The following PLCG1 variants were observed in gnomAD, a reference collection of about 807,000 sequenced individuals.
PLCG1 encodes the protein 1-phosphatidylinositol 4,5-bisphosphate phosphodiesterase gamma-1.
PLCG1 carries 71 observed loss-of-function variants against 177.8 expected under a neutral mutation model. The ratio of observed to expected loss-of-function variants is 0.40; its 90% CI spans 0.33 to 0.49. The LOEUF (loss-of-function observed/expected upper bound fraction) is 0.49. Ranked by LOEUF, PLCG1 falls within the 20% of genes least tolerant of loss-of-function variation. The pLI is 0.72. For missense variants in PLCG1, 1,281 were observed against 1,709.0 expected (o/e 0.75, Z 4.42); for synonymous variants, 658 against 647.9 (o/e 1.02, Z -0.24).
In PLCG1 at chr20:41,148,014, CA is replaced by C. The variant is rs2035048282; in HGVS notation, c.217+10159del. On this transcript the variant is annotated intron_variant, in intron 1 of 31. Transcript: ENST00000685551. The surrounding 1 kb of genome is among the most constrained non-coding windows in gnomAD (Gnocchi z 4.3). ...TGGCTTGGCTTGGGCTGGCATGGCG[CA>C]AAGGGAGTGCAGCCAGATGCTGTGG... Among the ~76,000 whole-genome samples the C allele has an allele frequency of 6.6e-6, 1 of 152,058 alleles. No individual in the cohort carries two copies. The highest frequency in any genetic ancestry group is 2.1e-4 in the South Asian group (1 of 4,816).
Position 41,172,344 on chromosome 20 carries a change from C to A in PLCG1, c.2905+55C>A. 6.3e-7 allele frequency: 1 copy of A among 1,577,168 alleles called. No individual in the cohort carries two copies. Among genetic ancestry groups the A allele is most frequent in the Non-Finnish European group, 8.7e-7 (1 of 1,146,572 alleles). Reference sequence around the variant, plus strand: ...ATGTGCCTGGAGGGCCTGGTGGGTGCAAAAAGAGTATTTAGGTATCCCCCC... The same window carrying A: ...ATGTGCCTGGAGGGCCTGGTGGGTGAAAAAAGAGTATTTAGGTATCCCCCC... On this transcript the variant is annotated intron_variant, in intron 25 of 31. Coordinates refer to ENST00000685551, the MANE Select transcript of PLCG1 (RefSeq NM_002660.3). This position sits in a 1 kb window ranked among gnomAD's most constrained non-coding sequence, Gnocchi z 7.0.
At position 41,172,489 on chromosome 20, in the gene PLCG1, G is replaced by A; in HGVS notation, c.2974G>A (p.Val992Met). ...SFPETKAEKY[V>M]NKAKGKKFLQ... is the part of the protein sequence containing the mutation. Reference sequence around the variant, plus strand: ...CCCGGAAACCAAGGCTGAGAAATACGTGAACAAGGCCAAAGGCAAGAAGTT... The same window carrying A: ...CCCGGAAACCAAGGCTGAGAAATACATGAACAAGGCCAAAGGCAAGAAGTT... Residue 992 changes from valine to methionine, a missense_variant, in exon 26 of 32, where the codon GTG becomes ATG. Physicochemically the swap from Val to Met is conservative, Grantham distance 21 (BLOSUM62 1). Transcript: ENST00000685551. This position sits in a 1 kb window ranked among gnomAD's most constrained non-coding sequence, Gnocchi z 7.0. 4 of 1,614,194 alleles carry A rather than the reference G, an allele frequency of 2.5e-6. No individual in the cohort carries two copies. Among genetic ancestry groups the A allele is most frequent in the Non-Finnish European group, 3.4e-6 (4 of 1,180,026 alleles).
At chr20:41,143,673 G>C (rs937499838) in intron 1 of PLCG1, among the ~76,000 whole-genome samples, 1 of 152,214 alleles carries the variant, frequency 6.6e-6, no homozygotes, top group Admixed American at 6.5e-5. Context: ...GAGCTGAAGT[G>C]CCTGGAGATT....
chr20:41,164,297 C>G lies in PLCG1; in HGVS notation c.1217+96C>G. On this transcript the variant is annotated intron_variant, in intron 12 of 31. Coordinates refer to ENST00000685551, the MANE Select transcript of PLCG1 (RefSeq NM_002660.3). The surrounding 1 kb of genome is among the most constrained non-coding windows in gnomAD (Gnocchi z 6.4). Reference sequence around the variant, plus strand: ...AGAAAGACTCCTCAAATGCCCTGTCCCCTCTCCCTCAGCCTTTCATCTTTG... The same window carrying G: ...AGAAAGACTCCTCAAATGCCCTGTCGCCTCTCCCTCAGCCTTTCATCTTTG... 1.6e-6 allele frequency: 2 copies of G among 1,240,144 alleles called. No individual in the cohort carries two copies. The highest frequency in any genetic ancestry group is 2.3e-6 in the Non-Finnish European group (2 of 858,780). 76.8% of individuals were successfully genotyped at this position (1,240,144 alleles called of 1,614,324 possible). A position where few individuals can be genotyped will look rare whatever the true frequency, so the allele number is the denominator to read the frequency against.
rs577092920 is a variant in PLCG1 at position 41,151,705 on chromosome 20, C to T, written c.218-7901C>T. Among the ~76,000 whole-genome samples the T allele has an allele frequency of 6.6e-6, 1 of 152,192 alleles. No homozygotes were observed. The highest frequency in any genetic ancestry group is 1.5e-5 in the Non-Finnish European group (1 of 68,036). On this transcript the variant is annotated intron_variant, in intron 1 of 31. Transcript: ENST00000685551. This position sits in a 1 kb window ranked among gnomAD's most constrained non-coding sequence, Gnocchi z 5.5. The stretch of plus-strand genomic sequence containing the variant: ...GGAGAACTCTCACCCTTTCCACAGG[C>T]TTTGGGCATATGCAGCCAGCTTGGA...
Position 41,156,771 on chromosome 20 carries a change from A to G in PLCG1, c.218-2835A>G, listed in dbSNP as rs1167783923. Among the ~76,000 whole-genome samples the G allele has an allele frequency of 6.6e-6, 1 of 152,128 alleles. No homozygotes were observed. Among genetic ancestry groups the G allele is most frequent in the Non-Finnish European group, 1.5e-5 (1 of 68,004 alleles). ...GAAGGTCTCTTTTCCTGCCCTCCTG[A>G]CTAATGGCAGAGAGGTCTGACCCAG... is the stretch of plus-strand genomic sequence containing the variant. On this transcript the variant is annotated intron_variant, in intron 1 of 31. Coordinates refer to ENST00000685551, the MANE Select transcript of PLCG1 (RefSeq NM_002660.3). This position sits in a 1 kb window ranked among gnomAD's most constrained non-coding sequence, Gnocchi z 5.0.
At chr20:41,170,091 T>C (rs1243097352) in intron 23 of PLCG1, 21 bp from the exon 24 acceptor site, 1 of 1,594,154 alleles carries the variant, frequency 6.3e-7, no homozygotes, top group Non-Finnish European at 8.6e-7. Context: ...TCCCAGCTGT[T>C]ATCTGCTCTC....
chr20:41,163,532 A>G lies in PLCG1; in HGVS notation c.891+53A>G. Reference sequence around the variant, plus strand: ...GTCAAGAGAATGAGTAGGGGTGACCAGGACCCCACCCGGGCTCCAGGAGCT... The same window carrying G: ...GTCAAGAGAATGAGTAGGGGTGACCGGGACCCCACCCGGGCTCCAGGAGCT... On this transcript the variant is annotated intron_variant, in intron 9 of 31. Transcript: ENST00000685551. The surrounding 1 kb of genome is among the most constrained non-coding windows in gnomAD (Gnocchi z 5.2). The G allele has an allele frequency of 2.2e-6, 3 of 1,338,326 alleles. No homozygotes were observed. Among genetic ancestry groups the G allele is most frequent in the Non-Finnish European group, 3.2e-6 (3 of 932,848 alleles). 82.9% of individuals were successfully genotyped at this position (1,338,326 alleles called of 1,614,324 possible). A position where few individuals can be genotyped will look rare whatever the true frequency, so the allele number is the denominator to read the frequency against.
chr20:41,164,430 C>T lies in PLCG1; in HGVS notation c.1217+229C>T, dbSNP rs1180958108. Among the ~76,000 whole-genome samples, 1 of 152,050 alleles carries T rather than the reference C, an allele frequency of 6.6e-6. No individual in the cohort carries two copies. The highest frequency in any genetic ancestry group is 1.5e-5 in the Non-Finnish European group (1 of 68,018). ...TGGGCCCACTCTCTTCTTCATGGGT[C>T]CTTTAGACTGTAGAACACATGCTCT... On this transcript the variant is annotated intron_variant, in intron 12 of 31. Transcript: ENST00000685551. This position sits in a 1 kb window ranked among gnomAD's most constrained non-coding sequence, Gnocchi z 6.4.
intron 21 of PLCG1, 28 bp downstream of exon 21, chr20:41,168,898 G>A: frequency 6.7e-7 from 1 of 1,491,572 alleles, no homozygotes; most frequent in Non-Finnish European, 9.3e-7. Context: ...TAGGCCCAGA[G>A]TCCAAGGGCC....
chr20:41,177,590 T>C lies in PLCG1; in HGVS notation c.*3081T>C, dbSNP rs1840426690. On this transcript the variant is annotated 3_prime_UTR_variant, in exon 32 of 32. Coordinates refer to ENST00000685551, the MANE Select transcript of PLCG1 (RefSeq NM_002660.3). ...ACTAACTCGGTGAATGAAAGGATCATGCCTTCTTCACATTTTAATTAAATG... is the reference window on the plus strand; with the variant it reads ...ACTAACTCGGTGAATGAAAGGATCACGCCTTCTTCACATTTTAATTAAATG... The C allele has an allele frequency of 6.6e-6, 1 of 152,254 alleles. No homozygotes were observed. The highest frequency in any genetic ancestry group is 2.4e-5 in the African/African-American group (1 of 41,474). 9.4% of individuals were successfully genotyped at this position (152,254 alleles called of 1,614,324 possible).
Position 41,175,944 on chromosome 20 carries a change from C to T in PLCG1, c.*1435C>T, listed in dbSNP as rs1207247055. ...TCTGAGGGTGTGTCTGAGCAGAGTA[C>T]ATCCTGCCTGGGTTCTTTGTGGCCA... On this transcript the variant is annotated 3_prime_UTR_variant, in exon 32 of 32. Coordinates refer to ENST00000685551, the MANE Select transcript of PLCG1 (RefSeq NM_002660.3). 3 of 152,372 alleles carry T rather than the reference C, an allele frequency of 2.0e-5. No homozygotes were observed. The East Asian group carries it at 5.8e-4, about 29-fold the overall frequency. 9.4% of individuals were successfully genotyped at this position (152,372 alleles called of 1,614,324 possible).
chr20:41,138,025 G>A, intron 1 of PLCG1, 167 bp downstream of exon 1: 5 of 418,748 alleles, frequency 1.2e-5, no homozygotes, highest in Non-Finnish European at 2.0e-5. Flanking sequence ...GGTCACTGGG[G>A]GCGGGGGGCA....
chr20:41,140,814 A>G (rs1445423435), intron 1 of PLCG1, among the ~76,000 whole-genome samples: 2 of 152,212 alleles, frequency 1.3e-5, no homozygotes, highest in Non-Finnish European at 2.9e-5. Context: ...GCTGAGTGCT[A>G]TTGAGACCTT....
rs2036010808 is a variant in PLCG1, at chr20:41,174,741, A to G, written c.*232A>G. 1.2e-5 allele frequency: 7 copies of G among 561,084 alleles called. No homozygotes were observed. Among genetic ancestry groups the G allele is most frequent in the Non-Finnish European group, 2.2e-5 (7 of 311,562 alleles). 34.8% of individuals were successfully genotyped at this position (561,084 alleles called of 1,614,324 possible). ...AGGCAAAAACTGTACTGTGTTTCGC[A>G]TTAAGCACACACATCTGGCCCTGAC... On this transcript the variant is annotated 3_prime_UTR_variant, in exon 32 of 32. Coordinates refer to ENST00000685551, the MANE Select transcript of PLCG1 (RefSeq NM_002660.3). This position sits in a 1 kb window ranked among gnomAD's most constrained non-coding sequence, Gnocchi z 5.8.
At chr20:41,143,265 ACT>A (rs1302052654) in intron 1 of PLCG1, among the ~76,000 whole-genome samples, 1 of 152,172 alleles carries the variant, frequency 6.6e-6, no homozygotes, top group Non-Finnish European at 1.5e-5. Flanking sequence ...GTCTCCGTTA[ACT>A]CACAGCATCT....
chr20:41,164,857 C>T lies in PLCG1; in HGVS notation c.1218-76C>T, dbSNP rs958791808. 2.9e-4 allele frequency: 428 copies of T among 1,454,142 alleles called. No individual in the cohort carries two copies. The highest frequency in any genetic ancestry group is 3.9e-4 in the Non-Finnish European group (410 of 1,061,248). The allele number at this position is 1,454,142 out of a possible 1,614,324, so 90.1% of individuals were successfully genotyped here. On this transcript the variant is annotated intron_variant, in intron 12 of 31. Coordinates refer to ENST00000685551, the MANE Select transcript of PLCG1 (RefSeq NM_002660.3). This position sits in a 1 kb window ranked among gnomAD's most constrained non-coding sequence, Gnocchi z 6.4. ...AAGCCCCCAGGCCCTTGGCTTCCAA[C>T]AGCTCACTGTGAGGGGCTACTTAGA...
chr20:41,144,070 C>A lies in PLCG1; in HGVS notation c.217+6212C>A. Among the ~76,000 whole-genome samples the A allele has an allele frequency of 6.6e-6, 1 of 152,176 alleles. No homozygotes were observed. Among genetic ancestry groups the A allele is most frequent in the Non-Finnish European group, 1.5e-5 (1 of 68,036 alleles). On this transcript the variant is annotated intron_variant, in intron 1 of 31. Coordinates refer to ENST00000685551, the MANE Select transcript of PLCG1 (RefSeq NM_002660.3). The surrounding 1 kb of genome is among the most constrained non-coding windows in gnomAD (Gnocchi z 4.1). ...CACAGAGGACTGGGGCATCAAAAAA[C>A]TCTGGAATTGGAATAGCATATTGGG...
intron 1 of PLCG1, among the ~76,000 whole-genome samples, chr20:41,141,311 T>C (rs891724426): frequency 2.0e-5 from 3 of 152,040 alleles, no homozygotes; most frequent in Non-Finnish European, 2.9e-5. Flanking sequence ...GGTGAAGGAG[T>C]ATGGGTGCTT....
Sources: gnomAD v4.1 joint callset for allele counts (sites outside exome capture counted in the v4.1 genomes callset) on GRCh38, gnomAD v4.1.1 for gene constraint, Gnocchi (gnomAD v3.1) non-coding constraint, MANE v1.5 for transcripts, NCBI Gene and HGNC (gene_info 2026-07-23, HGNC 2026-07-21) for gene names.